The following GUCY1A2 variants were observed in gnomAD, a reference collection of about 807,000 sequenced individuals.
GUCY1A2 encodes the protein guanylate cyclase 1 soluble subunit alpha 2, also known as guanylate cyclase soluble subunit alpha-2.
In GUCY1A2, 27 loss-of-function variants were observed where a neutral mutation model predicts 63.5. That is an observed-to-expected ratio of 0.43 (90% CI 0.31 to 0.59). The LOEUF is 0.59. Among genes scored for constraint, GUCY1A2 ranks in the 20% least tolerant of loss-of-function variants. GUCY1A2 has a pLI of 0.11. For synonymous variants in GUCY1A2, 364 were observed against 343.5 expected (o/e 1.06, Z -0.66); for missense variants, 768 against 913.3 (o/e 0.84, Z 2.05).
At chr11:106,756,342 T>G (rs1863973434) in intron 6 of GUCY1A2, among the ~76,000 whole-genome samples, 1 of 152,202 alleles carries the variant, frequency 6.6e-6, no homozygotes, top group African/African-American at 2.4e-5. Context: ...ATTTAGCACT[T>G]TTACATTTAA....
intron 2 of GUCY1A2, among the ~76,000 whole-genome samples, chr11:106,979,264 G>A (rs1422962444): frequency 1.3e-5 from 2 of 152,010 alleles, no homozygotes. Context: ...GACCATCCTG[G>A]CTAACACGGT....
intron 4 of GUCY1A2, among the ~76,000 whole-genome samples, chr11:106,846,276 ATCT>A (rs890828425): frequency 1.3e-5 from 2 of 151,668 alleles, no homozygotes; most frequent in African/African-American, 4.8e-5. Flanking sequence ...TAGATGAATC[ATCT>A]TCTTTGGAGA....
chr11:106,802,770 T>G (rs1253406048), intron 5 of GUCY1A2, among the ~76,000 whole-genome samples: 1 of 152,130 alleles, frequency 6.6e-6, no homozygotes, highest in African/African-American at 2.4e-5. Flanking sequence ...TCAAGTCACT[T>G]CTTCTTATAA....
At chr11:106,925,678 G>A (rs888454563) in intron 4 of GUCY1A2, among the ~76,000 whole-genome samples, 15 of 152,138 alleles carry the variant, frequency 9.9e-5, no homozygotes, top group African/African-American at 3.6e-4. Context: ...GGTCTGATAA[G>A]CAATCTTGAG....
chr11:106,807,666 T>C (rs1292850562), intron 5 of GUCY1A2, among the ~76,000 whole-genome samples: 5 of 152,164 alleles, frequency 3.3e-5, no homozygotes, highest in African/African-American at 1.2e-4. Context: ...GGTGTGTCTA[T>C]GAGGGTGTTG....
At chr11:106,696,917 TTAGA>T (rs1398702253) in intron 7 of GUCY1A2, among the ~76,000 whole-genome samples, 1 of 152,098 alleles carries the variant, frequency 6.6e-6, no homozygotes, top group East Asian at 1.9e-4. Context: ...CCCATACAGG[TTAGA>T]TAGAGACAAA....
intron 6 of GUCY1A2, among the ~76,000 whole-genome samples, chr11:106,709,865 C>T (rs371576581): frequency 0.014 from 154 of 10,706 alleles, no homozygotes; most frequent in African/African-American, 0.028. Context: ...ATTATATACA[C>T]GTATAGAATA....
chr11:106,962,554 C>CAAA (rs5794510), intron 3 of GUCY1A2, among the ~76,000 whole-genome samples: 1 of 117,728 alleles, frequency 8.5e-6, no homozygotes, highest in African/African-American at 3.1e-5. Context: ...GACTCCATCT[C>CAAA]AAAAAAAAAA....
chr11:106,913,015 T>C (rs1860316526), intron 4 of GUCY1A2, among the ~76,000 whole-genome samples: 1 of 152,156 alleles, frequency 6.6e-6, no homozygotes, highest in Admixed American at 6.6e-5. Flanking sequence ...TGTGGTGATA[T>C]TTTCCAAACC....
intron 7 of GUCY1A2, among the ~76,000 whole-genome samples, chr11:106,691,080 G>A (rs1204412284): frequency 2.0e-5 from 3 of 152,128 alleles, no homozygotes; most frequent in Non-Finnish European, 4.4e-5. Flanking sequence ...ATTTTGCTAA[G>A]CTCAAATAGA....
intron 3 of GUCY1A2, among the ~76,000 whole-genome samples, chr11:106,969,126 A>G (rs933396038): frequency 2.6e-5 from 4 of 152,230 alleles, no homozygotes; most frequent in Admixed American, 6.5e-5. Flanking sequence ...AGGGGAATTT[A>G]CCATATATAA....
At chr11:106,738,417 T>C (rs1467429118) in intron 6 of GUCY1A2, among the ~76,000 whole-genome samples, 1 of 152,254 alleles carries the variant, frequency 6.6e-6, no homozygotes, top group African/African-American at 2.4e-5. Context: ...TTGTCAATTT[T>C]GGCTTTTGTT....
intron 1 of GUCY1A2, among the ~76,000 whole-genome samples, chr11:106,995,810 A>G (rs1861527114): frequency 6.6e-6 from 1 of 152,188 alleles, no homozygotes; most frequent in East Asian, 1.9e-4. Context: ...AAATGCTGCA[A>G]AGCTAATTAG....
intron 4 of GUCY1A2, among the ~76,000 whole-genome samples, chr11:106,872,060 C>T (rs143017725): frequency 2.3e-3 from 345 of 152,096 alleles, no homozygotes; most frequent in African/African-American, 8.1e-3. Context: ...CTAAGTTACA[C>T]AGGATTAAAA....
chr11:106,742,614 A>T (rs1000126245), intron 6 of GUCY1A2, among the ~76,000 whole-genome samples: 4 of 152,130 alleles, frequency 2.6e-5, no homozygotes, highest in Non-Finnish European at 5.9e-5. Context: ...GGTTGGTTAC[A>T]TGTCTTTGCT....
chr11:106,971,980 C>T (rs1437411537), intron 3 of GUCY1A2, among the ~76,000 whole-genome samples: 1 of 152,064 alleles, frequency 6.6e-6, no homozygotes, highest in Non-Finnish European at 1.5e-5. Context: ...GGGCATATGT[C>T]AGGCCAATGA....
At chr11:106,713,260 T>C (rs887568107) in intron 6 of GUCY1A2, among the ~76,000 whole-genome samples, 11 of 152,180 alleles carry the variant, frequency 7.2e-5, no homozygotes, top group South Asian at 2.1e-4. Context: ...AAAAAGTTTT[T>C]TTAAAGATGA....
chr11:106,789,179 A>G (rs1469036196), intron 5 of GUCY1A2, among the ~76,000 whole-genome samples: 1 of 152,092 alleles, frequency 6.6e-6, no homozygotes, highest in African/African-American at 2.4e-5. Flanking sequence ...ATTGCTAGGT[A>G]TTTAATTTTA....
intron 5 of GUCY1A2, among the ~76,000 whole-genome samples, chr11:106,801,767 C>T (rs1356148150): frequency 2.6e-5 from 4 of 152,028 alleles, no homozygotes; most frequent in Admixed American, 6.6e-5. Context: ...GGAATGGATA[C>T]CCCATTTTCC....
Sources: gnomAD v4.1 joint callset for allele counts (sites outside exome capture counted in the v4.1 genomes callset) on GRCh38, gnomAD v4.1.1 for gene constraint, MANE v1.5 for transcripts, NCBI Gene and HGNC (gene_info 2026-07-23, HGNC 2026-07-21) for gene names.